Variants in INIP observed in about 807,000 individuals in gnomAD.
INIP encodes the protein SOSS complex subunit C.
Under a neutral mutation model 14.0 loss-of-function variants are expected in INIP, and 9 were observed. The observed-to-expected ratio is 0.64, with a 90% CI of 0.39 to 1.12. INIP has a LOEUF of 1.12. INIP is among the 50% of genes most tolerant of loss of function. The probability of loss-of-function intolerance (pLI) is 0.01; values close to 1 mark genes in which losing one functional copy is unlikely to be tolerated. For synonymous variants in INIP, 37 were observed against 41.5 expected (o/e 0.89, Z 0.41); for missense variants, 78 against 122.7 (o/e 0.64, Z 1.72).
chr9:112,687,461 C>A lies in INIP; in HGVS notation c.*77G>T. On this transcript the variant is annotated 3_prime_UTR_variant, in exon 5 of 5. Coordinates refer to ENST00000374242, the MANE Select transcript of INIP (RefSeq NM_021218.3). ...AAGTTCACCAAAATTCTTAAAGTCA[C>A]AGTTCATGTAGCACTGAATGATAGT... 1 of 839,246 alleles carries A rather than the reference C, an allele frequency of 1.2e-6. No homozygotes were observed. Among genetic ancestry groups the A allele is most frequent in the South Asian group, 1.6e-5 (1 of 60,702 alleles). The allele number at this position is 839,246 out of a possible 1,614,324, so 52.0% of individuals were successfully genotyped here.
intron 2 of INIP, among the ~76,000 whole-genome samples, chr9:112,696,062 AT>A (rs112787611): frequency 2.1e-5 from 3 of 146,054 alleles, no homozygotes; most frequent in East Asian, 2.0e-4. Context: ...TAATTTTTGT[AT>A]TTTTTTTTTG....
intron 2 of INIP, among the ~76,000 whole-genome samples, chr9:112,711,417 G>A (rs1588088291): frequency 6.6e-6 from 1 of 152,180 alleles, no homozygotes; most frequent in East Asian, 1.9e-4. Flanking sequence ...CTGACTATGG[G>A]TCAGTCAAAG....
At chr9:112,704,832 G>A (rs1838407431) in intron 2 of INIP, among the ~76,000 whole-genome samples, 1 of 152,170 alleles carries the variant, frequency 6.6e-6, no homozygotes, top group Admixed American at 6.5e-5. Flanking sequence ...TATATCAGCT[G>A]AATGCAGTGG....
At chr9:112,696,449 T>C (rs1021603466) in intron 2 of INIP, among the ~76,000 whole-genome samples, 5 of 152,164 alleles carry the variant, frequency 3.3e-5, no homozygotes, top group African/African-American at 1.2e-4. Flanking sequence ...AACCAAACTG[T>C]TTTTGGAAAA....
chr9:112,702,859 G>A (rs992034179), intron 2 of INIP, among the ~76,000 whole-genome samples: 3 of 152,016 alleles, frequency 2.0e-5, no homozygotes, highest in South Asian at 2.1e-4. Flanking sequence ...CACTGTCCCC[G>A]GATGAAAAAT....
In INIP at chr9:112,708,731, C is replaced by T. The variant is rs151113470; in HGVS notation, c.25+7730G>A. 2.8e-3 allele frequency among the ~76,000 whole-genome samples: 419 copies of T among 152,076 alleles called. 1 individual carries two copies. Among genetic ancestry groups the T allele is most frequent in the Non-Finnish European group, 3.8e-3 (257 of 67,996 alleles). On this transcript the variant is annotated intron_variant, in intron 2 of 4. Transcript: ENST00000374242. ...ATTTTTTTTGAGACAGGGTCTCACT[C>T]TGTTGTGCAGGCTAGAGTGCGGTGG...
chr9:112,704,233 G>A (rs544751449), intron 2 of INIP, among the ~76,000 whole-genome samples: 1 of 152,326 alleles, frequency 6.6e-6, no homozygotes, highest in African/African-American at 2.4e-5. Flanking sequence ...CGCAGTGGCT[G>A]ATGAGTTTGA....
At chr9:112,693,009 A>G (rs1837947759) in intron 3 of INIP, among the ~76,000 whole-genome samples, 1 of 148,724 alleles carries the variant, frequency 6.7e-6, no homozygotes, top group East Asian at 2.0e-4. Context: ...ACTCTAGGTG[A>G]CAGAGTTAGA....
chr9:112,700,986 A>T (rs1478695920), intron 2 of INIP, among the ~76,000 whole-genome samples: 2 of 152,274 alleles, frequency 1.3e-5, no homozygotes, highest in Admixed American at 6.5e-5. Context: ...TATATATATA[A>T]AATTTCCTTT....
At chr9:112,699,874 T>G (rs1838233981) in intron 2 of INIP, among the ~76,000 whole-genome samples, 1 of 152,132 alleles carries the variant, frequency 6.6e-6, no homozygotes, top group Non-Finnish European at 1.5e-5. Flanking sequence ...TTCTCATAAT[T>G]TCTTGGTTCA....
At chr9:112,700,540 A>C (rs985672629) in intron 2 of INIP, among the ~76,000 whole-genome samples, 26 of 145,936 alleles carry the variant, frequency 1.8e-4, no homozygotes, top group Admixed American at 1.7e-3. Flanking sequence ...TATATATATT[A>C]TATATACCTA....
chr9:112,715,789 GTATTTTATT>G (rs1838792620), intron 2 of INIP, among the ~76,000 whole-genome samples: 1 of 149,886 alleles, frequency 6.7e-6, no homozygotes, highest in Admixed American at 6.6e-5. Context: ...AAAAAAAAAA[GTATTTTATT>G]TATATCTTTA....
chr9:112,688,686 T>TGGCATGTGCCTGTAGTCCCAGC (rs1192519507), intron 4 of INIP, among the ~76,000 whole-genome samples: 2 of 151,832 alleles, frequency 1.3e-5, no homozygotes, highest in Non-Finnish European at 2.9e-5. Context: ...CTAGGCACAG[T>TGGCATGTGCCTGTAGTCCCAGC]GGCATGTGCC....
chr9:112,712,562 A>G (rs1249555575), intron 2 of INIP, among the ~76,000 whole-genome samples: 2 of 152,218 alleles, frequency 1.3e-5, no homozygotes, highest in Non-Finnish European at 2.9e-5. Flanking sequence ...CAGCCATTAT[A>G]AATATGTTCA....
chr9:112,717,551 C>A, intron 1 of INIP, among the ~76,000 whole-genome samples: 1 of 151,696 alleles, frequency 6.6e-6, no homozygotes, highest in Non-Finnish European at 1.5e-5. Context: ...GCTTAACAAA[C>A]CCGCTCTTTA....
rs538135639 is a variant in INIP, at chr9:112,710,148, T to A, written c.25+6313A>T. The stretch of plus-strand genomic sequence containing the variant: ...CCTTCTGGACCATATATGGTTTAGG[T>A]GAAGACTTGTACTTGGGTCTGAGGT... On this transcript the variant is annotated intron_variant, in intron 2 of 4. Coordinates refer to ENST00000374242, the MANE Select transcript of INIP (RefSeq NM_021218.3). Among the ~76,000 whole-genome samples the A allele has an allele frequency of 1.9e-4, 29 of 152,288 alleles. No homozygotes were observed. The South Asian group carries it at 5.2e-3, about 27-fold the overall frequency.
rs1470277446 is a variant in INIP, at chr9:112,685,829, A to C, written c.*1709T>G. ...CTGAGGAGCTCTGCGCCGCAGAAGTAAGGCTATCCTCGCTGCAATGGTGAC... is the reference window on the plus strand; with the variant it reads ...CTGAGGAGCTCTGCGCCGCAGAAGTCAGGCTATCCTCGCTGCAATGGTGAC... On this transcript the variant is annotated 3_prime_UTR_variant, in exon 5 of 5. Coordinates refer to ENST00000374242, the MANE Select transcript of INIP (RefSeq NM_021218.3). 1 of 152,176 alleles carries C rather than the reference A, an allele frequency of 6.6e-6. No homozygotes were observed. The highest frequency in any genetic ancestry group is 2.4e-5 in the African/African-American group (1 of 41,434). 9.4% of individuals were successfully genotyped at this position (152,176 alleles called of 1,614,324 possible).
At chr9:112,711,125 A>G (rs1397519122) in intron 2 of INIP, among the ~76,000 whole-genome samples, 1 of 151,968 alleles carries the variant, frequency 6.6e-6, no homozygotes, top group African/African-American at 2.4e-5. Flanking sequence ...AGCTACAATC[A>G]CAACACTGCT....
At chr9:112,709,550 T>TA (rs1195150331) in intron 2 of INIP, among the ~76,000 whole-genome samples, 1 of 152,124 alleles carries the variant, frequency 6.6e-6, no homozygotes, top group Admixed American at 6.6e-5. Flanking sequence ...AAAATATAAG[T>TA]AAAAGACCTA....
Sources: allele counts gnomAD v4.1 joint callset (sites outside exome capture counted in the v4.1 genomes callset), GRCh38; gene constraint gnomAD v4.1.1; transcripts MANE v1.5; gene names NCBI Gene and HGNC (gene_info 2026-07-23, HGNC 2026-07-21).